Variants in LRRC28 observed in about 807,000 individuals in gnomAD.
The protein encoded by LRRC28 is leucine-rich repeat-containing protein 28.
A neutral mutation model predicts 45.7 loss-of-function variants in LRRC28; 39 were observed. That is an observed-to-expected ratio of 0.85 (90% CI 0.66 to 1.12). LRRC28 has a LOEUF of 1.12. Ranked by LOEUF, LRRC28 falls within the 50% of genes most tolerant of loss-of-function variation. LRRC28 has a pLI of 0.00. For synonymous variants in LRRC28, 206 were observed against 178.8 expected (o/e 1.15, Z -1.22); for missense variants, 435 against 438.5 (o/e 0.99, Z 0.07).
At chr15:99,261,166 T>C (rs567335311) in intron 2 of LRRC28, among the ~76,000 whole-genome samples, 3 of 152,348 alleles carry the variant, frequency 2.0e-5, no homozygotes, top group Non-Finnish European at 4.4e-5. Flanking sequence ...TGCTCATGTT[T>C]AGAACTAAAG....
chr15:99,324,644 A>G (rs1955910652), intron 5 of LRRC28, among the ~76,000 whole-genome samples: 1 of 152,166 alleles, frequency 6.6e-6, no homozygotes, highest in Non-Finnish European at 1.5e-5. Flanking sequence ...TTTGTGCCTA[A>G]TCTAAGTAAT....
At chr15:99,357,313 C>T (rs1055044871) in intron 7 of LRRC28, among the ~76,000 whole-genome samples, 1 of 152,186 alleles carries the variant, frequency 6.6e-6, no homozygotes, top group Non-Finnish European at 1.5e-5. Flanking sequence ...TGTATATGCT[C>T]ATATGTACCA....
At chr15:99,267,288 A>G (rs2081357416) in intron 2 of LRRC28, among the ~76,000 whole-genome samples, 1 of 152,178 alleles carries the variant, frequency 6.6e-6, no homozygotes, top group Non-Finnish European at 1.5e-5. Context: ...TGAATTTGGT[A>G]GTAGTAGGAT....
At chr15:99,382,892 T>C (rs1391837694) in intron 9 of LRRC28, among the ~76,000 whole-genome samples, 2 of 152,126 alleles carry the variant, frequency 1.3e-5, no homozygotes, top group East Asian at 3.8e-4. Context: ...GAGTAAGGTA[T>C]TGAAGTCCCC....
chr15:99,384,805 G>C (rs542815210), intron 9 of LRRC28: 1 of 152,298 alleles, frequency 6.6e-6, no homozygotes, highest in African/African-American at 2.4e-5. Flanking sequence ...TCGTGTACTC[G>C]CCAGCCCAAC....
chr15:99,286,281 C>T (rs1379298340), intron 3 of LRRC28, among the ~76,000 whole-genome samples: 1 of 152,160 alleles, frequency 6.6e-6, no homozygotes, highest in East Asian at 1.9e-4. Context: ...CAGATGCACG[C>T]CACCACGCCT....
At position 99,252,210 on chromosome 15, in the gene LRRC28, C is replaced by G. The variant is rs140199169; in HGVS notation, c.-61+669C>G. ...ACTATACAAGAGGTAGTTTGCTTAA[C>G]TAGGTAAGATGTAGTCAAGTGAAAT... On this transcript the variant is annotated intron_variant, in intron 1 of 9. Transcript: ENST00000301981. Among the ~76,000 whole-genome samples, 351 of 152,290 alleles carry G rather than the reference C, an allele frequency of 2.3e-3. 1 individual carries two copies. Among genetic ancestry groups the G allele is most frequent in the African/African-American group, 8.0e-3 (334 of 41,544 alleles).
chr15:99,376,936 G>T (rs1216705589), intron 9 of LRRC28, among the ~76,000 whole-genome samples: 4 of 152,126 alleles, frequency 2.6e-5, no homozygotes, highest in Admixed American at 2.6e-4. Context: ...TCTTAATCCA[G>T]TCTATCATTG....
intron 9 of LRRC28, 141 bp downstream of exon 9, chr15:99,363,406 C>T (rs1365488399): frequency 7.2e-6 from 6 of 828,552 alleles, no homozygotes; most frequent in Non-Finnish European, 1.1e-5. Flanking sequence ...CTAAATGAAA[C>T]GATGCTCACT....
chr15:99,372,324 C>T (rs1355206263), intron 9 of LRRC28, among the ~76,000 whole-genome samples: 2 of 152,142 alleles, frequency 1.3e-5, no homozygotes, highest in Admixed American at 6.5e-5. Flanking sequence ...TAAATATGCT[C>T]AAAGATTCTA....
chr15:99,347,055 T>A (rs1012702908), intron 6 of LRRC28, among the ~76,000 whole-genome samples: 2 of 152,234 alleles, frequency 1.3e-5, no homozygotes, highest in Non-Finnish European at 2.9e-5. Flanking sequence ...TTTAACAAAA[T>A]TCTGTAATAC....
intron 9 of LRRC28, among the ~76,000 whole-genome samples, chr15:99,384,070 A>ATC (rs2152562506): frequency 6.6e-6 from 1 of 152,266 alleles, no homozygotes; most frequent in East Asian, 1.9e-4. Flanking sequence ...CTGCAACTCC[A>ATC]TCAGCGTGTA....
intron 3 of LRRC28, among the ~76,000 whole-genome samples, chr15:99,279,843 C>G (rs2152185894): frequency 6.6e-6 from 1 of 152,234 alleles, no homozygotes; most frequent in African/African-American, 2.4e-5. Flanking sequence ...TTTGGAGGTT[C>G]TTACTCTACC....
At chr15:99,333,840 GT>G (rs1956232416) in intron 5 of LRRC28, 82 bp from the exon 6 acceptor site, 62 of 1,391,960 alleles carry the variant, frequency 4.5e-5, no homozygotes, top group South Asian at 3.0e-4. Context: ...ATTTCATTTG[GT>G]TAAACTGTTA....
At chr15:99,270,166 A>G (rs777395873) in intron 2 of LRRC28, among the ~76,000 whole-genome samples, 6 of 152,260 alleles carry the variant, frequency 3.9e-5, no homozygotes, top group Non-Finnish European at 7.3e-5. Context: ...TATTGATTCA[A>G]CTAAAAAGCT....
chr15:99,293,798 T>C (rs1477241007), intron 5 of LRRC28, among the ~76,000 whole-genome samples: 1 of 152,044 alleles, frequency 6.6e-6, no homozygotes, highest in East Asian at 1.9e-4. Flanking sequence ...TTTTTTCCTC[T>C]AGATTTAGTT....
Position 99,343,601 on chromosome 15 carries a change from T to C in LRRC28, c.593-8768T>C, listed in dbSNP as rs541897792. Among the ~76,000 whole-genome samples the C allele has an allele frequency of 7.0e-3, 1,065 of 152,358 alleles. 18 individuals are homozygous for C. The highest frequency in any genetic ancestry group is 0.024 in the African/African-American group (1,002 of 41,586). On this transcript the variant is annotated intron_variant, in intron 6 of 9. Coordinates refer to ENST00000301981, the MANE Select transcript of LRRC28 (RefSeq NM_144598.5). ...CACATGAAAAAGTTCTTTGTGGCTGTAGCATCTGTACGACGGACAGCTTCC... is the reference window on the plus strand; with the variant it reads ...CACATGAAAAAGTTCTTTGTGGCTGCAGCATCTGTACGACGGACAGCTTCC...
chr15:99,310,115 T>C (rs1227107708), intron 5 of LRRC28, among the ~76,000 whole-genome samples: 5 of 152,206 alleles, frequency 3.3e-5, no homozygotes, highest in Non-Finnish European at 5.9e-5. Context: ...ATATCAGATA[T>C]AGAAACATGT....
intron 5 of LRRC28, among the ~76,000 whole-genome samples, chr15:99,323,223 G>A (rs1011551438): frequency 3.3e-5 from 5 of 152,118 alleles, no homozygotes; most frequent in Non-Finnish European, 5.9e-5. Flanking sequence ...CACGTGTAGA[G>A]ACCAGGTCCT....
Sources: gnomAD v4.1 joint callset for allele counts (sites outside exome capture counted in the v4.1 genomes callset) on GRCh38, gnomAD v4.1.1 for gene constraint, MANE v1.5 for transcripts, NCBI Gene and HGNC (gene_info 2026-07-23, HGNC 2026-07-21) for gene names.